CA12: variants seen among roughly 807,000 people sequenced by gnomAD.
CA12 encodes carbonic anhydrase 12.
CA12 carries 36 observed loss-of-function variants against 46.8 expected under a neutral mutation model. The observed-to-expected ratio is 0.77, with a 90% CI of 0.59 to 1.02. The LOEUF is 1.02. CA12 is among the 50% of genes least tolerant of loss of function. The pLI is 0.00. For synonymous variants in CA12, 202 were observed against 187.0 expected (o/e 1.08, Z -0.65); for missense variants, 436 against 451.4 (o/e 0.97, Z 0.31).
intron 2 of CA12, among the ~76,000 whole-genome samples, chr15:63,351,419 C>T (rs2036262): frequency 0.2 from 30,798 of 152,080 alleles, 4,242 homozygotes; most frequent in East Asian, 0.62. Context: ...ACCACCCATC[C>T]GTACACTCCC....
chr15:63,366,334 C>T (rs2039435100), intron 2 of CA12, among the ~76,000 whole-genome samples: 1 of 152,128 alleles, frequency 6.6e-6, no homozygotes, highest in African/African-American at 2.4e-5. Context: ...AGAGGCCCTC[C>T]ATCCCCTGCC....
chr15:63,378,320 G>C lies in CA12; in HGVS notation c.86-2642C>G, dbSNP rs748003719. Among the ~76,000 whole-genome samples, 1 of 152,102 alleles carries C rather than the reference G, an allele frequency of 6.6e-6. No homozygotes were observed. ...GGAGAATTGCTTGAACCCGGGAGGC[G>C]GAGGTTGCAGTGAGCTGAGATTGTG... On this transcript the variant is annotated intron_variant, in intron 1 of 10. Coordinates refer to ENST00000178638, the MANE Select transcript of CA12 (RefSeq NM_001218.5). The surrounding 1 kb of genome is among the most constrained non-coding windows in gnomAD (Gnocchi z 4.8).
In CA12 at chr15:63,327,966, G is replaced by A; in HGVS notation, c.907+132C>T. 2 of 811,424 alleles carry A rather than the reference G, an allele frequency of 2.5e-6. No homozygotes were observed. The highest frequency in any genetic ancestry group is 4.3e-6 in the Non-Finnish European group (2 of 469,306). 50.3% of individuals were successfully genotyped at this position (811,424 alleles called of 1,614,324 possible). A position where few individuals can be genotyped will look rare whatever the true frequency, so the allele number is the denominator to read the frequency against. ...GAATCACAGAGCGACTTGAGGGTAA[G>A]ACCCATAGCAAGGAGAGGGCCAGGA... On this transcript the variant is annotated intron_variant, in intron 9 of 10. Transcript: ENST00000178638. This position sits in a 1 kb window ranked among gnomAD's most constrained non-coding sequence, Gnocchi z 4.5.
intron 2 of CA12, among the ~76,000 whole-genome samples, chr15:63,351,699 G>A (rs925999117): frequency 3.9e-5 from 6 of 152,152 alleles, no homozygotes; most frequent in African/African-American, 1.4e-4. Flanking sequence ...GTCCAGCTCA[G>A]GTCCTGCCAA....
chr15:63,364,055 C>T (rs1315294489), intron 2 of CA12, among the ~76,000 whole-genome samples: 7 of 151,844 alleles, frequency 4.6e-5, no homozygotes, highest in South Asian at 2.1e-4. Flanking sequence ...GGCGTGGTGG[C>T]GCATGCCTGT....
At position 63,327,238 on chromosome 15, in the gene CA12, TGAA is replaced by T. The variant is rs766040701; in HGVS notation, c.908-8_908-6del. On this transcript the variant is annotated splice_region_variant and splice_polypyrimidine_tract_variant and intron_variant, in intron 9 of 10. Coordinates refer to ENST00000178638, the MANE Select transcript of CA12 (RefSeq NM_001218.5). The surrounding 1 kb of genome is among the most constrained non-coding windows in gnomAD (Gnocchi z 4.5). Reference sequence around the variant, plus strand: ...GGGCCAGTGAGAGGATGATGCCTGGTGAAGAGGTAGAGGGCACACATTACATTC... The same window carrying T: ...GGGCCAGTGAGAGGATGATGCCTGGTGAGGTAGAGGGCACACATTACATTC... The T allele has an allele frequency of 2.0e-5, 33 of 1,612,650 alleles. No homozygotes were observed. The East Asian group carries it at 7.4e-4, about 36-fold the overall frequency.
chr15:63,356,773 T>C (rs2152621752), intron 2 of CA12, among the ~76,000 whole-genome samples: 1 of 152,316 alleles, frequency 6.6e-6, no homozygotes, highest in East Asian at 1.9e-4. Flanking sequence ...CCTCCCAAAG[T>C]GCTGGGATTA....
Position 63,355,903 on chromosome 15 carries a change from T to C in CA12, c.107-9194A>G, listed in dbSNP as rs1352316115. ...GTCTTTCTTAAACATAATATTCAAATAGGGGGCTCCAGGCTCAGGCAACGA... is the reference window on the plus strand; with the variant it reads ...GTCTTTCTTAAACATAATATTCAAACAGGGGGCTCCAGGCTCAGGCAACGA... On this transcript the variant is annotated intron_variant, in intron 2 of 10. Transcript: ENST00000178638. The surrounding 1 kb of genome is among the most constrained non-coding windows in gnomAD (Gnocchi z 4.1). Among the ~76,000 whole-genome samples the C allele has an allele frequency of 6.6e-6, 1 of 152,112 alleles. No individual in the cohort carries two copies. Among genetic ancestry groups the C allele is most frequent in the Non-Finnish European group, 1.5e-5 (1 of 68,014 alleles).
chr15:63,346,502 C>T, intron 3 of CA12, 28 bp downstream of exon 3: 2 of 1,608,540 alleles, frequency 1.2e-6, no homozygotes, highest in Non-Finnish European at 1.7e-6. Context: ...CAGACATACC[C>T]CTCAGGTCTC....
At chr15:63,366,138 CA>C (rs10680238) in intron 2 of CA12, among the ~76,000 whole-genome samples, 32 of 116,882 alleles carry the variant, frequency 2.7e-4, no homozygotes, top group East Asian at 2.1e-3. Context: ...GAGACTATCT[CA>C]AAAAAAAAAA....
intron 2 of CA12, among the ~76,000 whole-genome samples, chr15:63,368,741 C>G (rs1266350236): frequency 6.6e-6 from 1 of 152,222 alleles, no homozygotes; most frequent in Non-Finnish European, 1.5e-5. Flanking sequence ...GGCAGGACAG[C>G]CCCACAGCTC....
chr15:63,345,654 G>C lies in CA12; in HGVS notation c.287-35C>G. 1 of 1,600,068 alleles carries C rather than the reference G, an allele frequency of 6.2e-7. No homozygotes were observed. On this transcript the variant is annotated intron_variant, in intron 3 of 10. Coordinates refer to ENST00000178638, the MANE Select transcript of CA12 (RefSeq NM_001218.5). The surrounding 1 kb of genome is among the most constrained non-coding windows in gnomAD (Gnocchi z 4.3). ...GTGGAGGAGCAGCCTTCAGAGCCCCGGCCAGCTGTGCACTGCCAGAGAGCA... is the reference window on the plus strand; with the variant it reads ...GTGGAGGAGCAGCCTTCAGAGCCCCCGCCAGCTGTGCACTGCCAGAGAGCA...
intron 2 of CA12, among the ~76,000 whole-genome samples, chr15:63,364,120 G>C (rs1355656730): frequency 6.6e-6 from 1 of 151,902 alleles, no homozygotes; most frequent in Non-Finnish European, 1.5e-5. Flanking sequence ...CCTGGAGGCG[G>C]AGGTTGCAGT....
At position 63,364,332 on chromosome 15, in the gene CA12, G is replaced by GAA. The variant is rs34673043; in HGVS notation, c.106+11324_106+11325dup. Among the ~76,000 whole-genome samples the GAA allele has an allele frequency of 4.2e-3, 235 of 56,106 alleles. 34 individuals carry two copies. Among genetic ancestry groups the GAA allele is most frequent in the African/African-American group, 0.015 (220 of 14,350 alleles). The allele number at this position is 56,106 out of a possible 152,430, so 36.8% of individuals were successfully genotyped here. A position where few individuals can be genotyped will look rare whatever the true frequency, so the allele number is the denominator to read the frequency against. ...GTGAAACAGTGAAACCCCGTCACTA[G>GAA]AAAAAAAAAAAAAAAAAAAAAAACA... is the stretch of plus-strand genomic sequence containing the variant. On this transcript the variant is annotated intron_variant, in intron 2 of 10. Transcript: ENST00000178638.
chr15:63,340,573 G>T lies in CA12; in HGVS notation c.590-128C>A, dbSNP rs1224588250. The T allele has an allele frequency of 2.1e-6, 3 of 1,419,836 alleles. No individual in the cohort carries two copies. Among genetic ancestry groups the T allele is most frequent in the Non-Finnish European group, 3.0e-6 (3 of 1,004,700 alleles). 88.0% of individuals were successfully genotyped at this position (1,419,836 alleles called of 1,614,324 possible). ...TCAGGGTCATCTAACCCCAGGACCT[G>T]GTTGCAACATTGTTCAACAACCTGC... On this transcript the variant is annotated intron_variant, in intron 6 of 10. Coordinates refer to ENST00000178638, the MANE Select transcript of CA12 (RefSeq NM_001218.5). This position sits in a 1 kb window ranked among gnomAD's most constrained non-coding sequence, Gnocchi z 4.4.
At position 63,327,205 on chromosome 15, in the gene CA12, G is replaced by A. The variant is rs369371181; in HGVS notation, c.936C>T (p.Gly312=). Residue 312 remains glycine (G), a synonymous_variant, in exon 10 of 11, where the codon GGC becomes GGT. Coordinates refer to ENST00000178638, the MANE Select transcript of CA12 (RefSeq NM_001218.5). The surrounding 1 kb of genome is among the most constrained non-coding windows in gnomAD (Gnocchi z 4.5). ...CCACCACAATACAGATGCCAAGAAT[G>A]CCAGCCAGGGCCAGTGAGAGGATGA... ...LGIILSLALA[G]ILGICIVVVV... The A allele has an allele frequency of 2.7e-4, 440 of 1,613,878 alleles. No individual in the cohort carries two copies. The highest frequency in any genetic ancestry group is 3.6e-4 in the Non-Finnish European group (424 of 1,179,954).
Position 63,345,375 on chromosome 15 carries a change from G to A in CA12, c.429+102C>T. The stretch of plus-strand genomic sequence containing the variant: ...AGGTGGGGCAGAGAGCCTGAAGGCA[G>A]CCTGTCCCATGCTCTGGTGTTATCT... On this transcript the variant is annotated intron_variant, in intron 4 of 10. Transcript: ENST00000178638. This position sits in a 1 kb window ranked among gnomAD's most constrained non-coding sequence, Gnocchi z 4.3. 1 of 1,472,460 alleles carries A rather than the reference G, an allele frequency of 6.8e-7. No individual in the cohort carries two copies. Among genetic ancestry groups the A allele is most frequent in the Non-Finnish European group, 9.3e-7 (1 of 1,078,000 alleles). 91.2% of individuals were successfully genotyped at this position (1,472,460 alleles called of 1,614,324 possible). A position where few individuals can be genotyped will look rare whatever the true frequency, so the allele number is the denominator to read the frequency against.
intron 2 of CA12, among the ~76,000 whole-genome samples, chr15:63,366,163 T>C (rs1023456071): frequency 1.5e-5 from 2 of 137,284 alleles, no homozygotes; most frequent in South Asian, 4.8e-4. Flanking sequence ...AAAAAAAGCA[T>C]GTCCTGCAGT....
At chr15:63,360,337 C>T (rs561540409) in intron 2 of CA12, among the ~76,000 whole-genome samples, 1 of 152,330 alleles carries the variant, frequency 6.6e-6, no homozygotes, top group African/African-American at 2.4e-5. Context: ...CAACATTTAC[C>T]TCTGAAAGGA....
Sources: gnomAD v4.1 joint callset for allele counts (sites outside exome capture counted in the v4.1 genomes callset) on GRCh38, gnomAD v4.1.1 for gene constraint, Gnocchi (gnomAD v3.1) non-coding constraint, MANE v1.5 for transcripts, NCBI Gene and HGNC (gene_info 2026-07-23, HGNC 2026-07-21) for gene names.